Variants in ANKRD44 observed in about 807,000 individuals in gnomAD.
ANKRD44 encodes ankyrin repeat domain 44, also known as serine/threonine-protein phosphatase 6 regulatory ankyrin repeat subunit B.
In ANKRD44, 35 loss-of-function variants were observed where a neutral mutation model predicts 116.0. The observed-to-expected ratio is 0.30, with a 90% CI of 0.23 to 0.40. The LOEUF is 0.40. ANKRD44 is among the 10% of genes least tolerant of loss of function. ANKRD44 has a pLI of 1.00. For synonymous variants in ANKRD44, 435 were observed against 461.8 expected (o/e 0.94, Z 0.74); for missense variants, 1,014 against 1,242.6 (o/e 0.82, Z 2.77).
intron 16 of ANKRD44, among the ~76,000 whole-genome samples, chr2:197,047,847 T>C (rs1237672459): frequency 6.6e-6 from 1 of 151,356 alleles, no homozygotes; most frequent in African/African-American, 2.4e-5. Context: ...GAGGCGGAGG[T>C]TGCAGTGAGC....
intron 2 of ANKRD44, among the ~76,000 whole-genome samples, chr2:197,180,575 C>T (rs1263534943): frequency 6.6e-6 from 1 of 152,074 alleles, no homozygotes; most frequent in Admixed American, 6.6e-5. Context: ...CAAAACATCT[C>T]AGTCCTTCAT....
At chr2:196,998,871 G>T in intron 24 of ANKRD44, 36 bp downstream of exon 24, 1 of 1,599,392 alleles carries the variant, frequency 6.3e-7, no homozygotes, top group South Asian at 1.1e-5. Context: ...GTTTTTGCAT[G>T]GGCATAAGGG....
chr2:197,151,784 T>G (rs879479565), intron 2 of ANKRD44, among the ~76,000 whole-genome samples: 1 of 152,186 alleles, frequency 6.6e-6, no homozygotes, highest in African/African-American at 2.4e-5. Context: ...TGTAGGATAT[T>G]AGAATAAAAA....
intron 10 of ANKRD44, among the ~76,000 whole-genome samples, chr2:197,094,475 A>G (rs1219683265): frequency 6.6e-6 from 1 of 152,224 alleles, no homozygotes; most frequent in Non-Finnish European, 1.5e-5. Flanking sequence ...ATTGGTAATC[A>G]GCAGTACATG....
At chr2:197,087,943 A>G (rs763145042) in intron 12 of ANKRD44, among the ~76,000 whole-genome samples, 24 of 152,204 alleles carry the variant, frequency 1.6e-4, no homozygotes, top group Non-Finnish European at 3.1e-4. Context: ...CTAAAGTGTC[A>G]CCATTTATCC....
At chr2:197,301,991 A>C (rs987579008) in intron 1 of ANKRD44, among the ~76,000 whole-genome samples, 6 of 152,262 alleles carry the variant, frequency 3.9e-5, no homozygotes, top group Non-Finnish European at 7.3e-5. Flanking sequence ...CTGAGAAGGT[A>C]ACATCTGAGG....
chr2:197,227,202 G>A (rs868645761), intron 1 of ANKRD44, among the ~76,000 whole-genome samples: 1 of 152,206 alleles, frequency 6.6e-6, no homozygotes, highest in African/African-American at 2.4e-5. Context: ...TCATTCGGTG[G>A]TAAACTGAAT....
At chr2:197,023,159 C>T (rs993643221) in intron 17 of ANKRD44, among the ~76,000 whole-genome samples, 1 of 152,208 alleles carries the variant, frequency 6.6e-6, no homozygotes, top group Non-Finnish European at 1.5e-5. Context: ...GTGCCAGGCA[C>T]TGTTCTAATT....
intron 16 of ANKRD44, among the ~76,000 whole-genome samples, chr2:197,053,001 C>G (rs1400772328): frequency 1.3e-5 from 2 of 151,890 alleles, no homozygotes; most frequent in Non-Finnish European, 2.9e-5. Context: ...GAAACCCCCA[C>G]CTCTACTAAA....
At chr2:197,283,007 T>C (rs1210536074) in intron 1 of ANKRD44, among the ~76,000 whole-genome samples, 1 of 152,228 alleles carries the variant, frequency 6.6e-6, no homozygotes, top group African/African-American at 2.4e-5. Flanking sequence ...GAAACTTGTA[T>C]TTTAAATTCC....
intron 4 of ANKRD44, chr2:197,136,318 T>A (rs1040565437): frequency 2.1e-6 from 1 of 473,086 alleles, no homozygotes; most frequent in Non-Finnish European, 3.8e-6. Context: ...ATTGTAATGA[T>A]ATGCTTTCTG....
At chr2:197,059,012 T>C (rs1292216367) in intron 16 of ANKRD44, among the ~76,000 whole-genome samples, 1 of 101,832 alleles carries the variant, frequency 9.8e-6, no homozygotes, top group Non-Finnish European at 2.3e-5. Context: ...GAGTTACCTC[T>C]TTTAATCAAC....
At chr2:197,132,677 A>T (rs898897032) in intron 4 of ANKRD44, among the ~76,000 whole-genome samples, 28 of 152,194 alleles carry the variant, frequency 1.8e-4, no homozygotes, top group Non-Finnish European at 5.9e-5. Flanking sequence ...TTCACCCTGC[A>T]TGCATAAAAG....
In ANKRD44 at chr2:197,013,616, C is replaced by A. The variant is rs961942842; in HGVS notation, c.1819G>T (p.Ala607Ser). 1.2e-6 allele frequency: 2 copies of A among 1,614,156 alleles called. No homozygotes were observed. Among genetic ancestry groups the A allele is most frequent in the Non-Finnish European group, 1.7e-6 (2 of 1,180,034 alleles). The change falls in exon 18 of 28, where the codon GCT (alanine) becomes TCT (serine). Residue 607 changes from alanine to serine, a missense_variant. Transcript: ENST00000282272. Reference sequence around the variant, plus strand: ...CATTCTGTGTGTCCTTTAAAGGCAGCCAGATCCAGAGCAGTGCGGCCTTTC... The same window carrying A: ...CATTCTGTGTGTCCTTTAAAGGCAGACAGATCCAGAGCAGTGCGGCCTTTC... ...DEKGRTALDL[A>S]AFKGHTECVE...
intron 16 of ANKRD44, among the ~76,000 whole-genome samples, chr2:197,077,024 TG>T (rs2077684877): frequency 6.6e-6 from 1 of 152,214 alleles, no homozygotes; most frequent in South Asian, 2.1e-4. Flanking sequence ...ATACACCCAG[TG>T]GTGGGATTGC....
At chr2:197,069,734 C>G (rs1030903161) in intron 16 of ANKRD44, among the ~76,000 whole-genome samples, 3 of 152,108 alleles carry the variant, frequency 2.0e-5, no homozygotes, top group Non-Finnish European at 4.4e-5. Context: ...TGTTAGCTTT[C>G]TAGTTCTTTT....
intron 2 of ANKRD44, among the ~76,000 whole-genome samples, chr2:197,174,608 C>G (rs181325544): frequency 1.3e-3 from 194 of 152,244 alleles, no homozygotes; most frequent in African/African-American, 4.2e-3. Context: ...GACAGTGGTT[C>G]CCCCTGGGGA....
At chr2:197,032,866 A>G (rs558427331) in intron 16 of ANKRD44, among the ~76,000 whole-genome samples, 44 of 152,204 alleles carry the variant, frequency 2.9e-4, no homozygotes, top group Non-Finnish European at 6.0e-4. Flanking sequence ...GAAAGAGGAG[A>G]GTCAAGGATG....
At chr2:197,180,099 G>A (rs1484540119) in intron 2 of ANKRD44, among the ~76,000 whole-genome samples, 2 of 138,550 alleles carry the variant, frequency 1.4e-5, no homozygotes, top group African/African-American at 5.4e-5. Context: ...GCCAGAAACA[G>A]TGTCAACGTT....
Sources: gnomAD v4.1 joint callset for allele counts (sites outside exome capture counted in the v4.1 genomes callset) on GRCh38, gnomAD v4.1.1 for gene constraint, MANE v1.5 for transcripts, NCBI Gene and HGNC (gene_info 2026-07-23, HGNC 2026-07-21) for gene names.